Variants in MIA2 observed in about 807,000 individuals in gnomAD.
The protein encoded by MIA2 is MIA SH3 domain ER export factor 2, also known as melanoma inhibitory activity protein 2.
MIA2 carries 127 observed loss-of-function variants against 167.8 expected under a neutral mutation model. That is an observed-to-expected ratio of 0.76 (90% CI 0.66 to 0.88). MIA2 has a LOEUF of 0.88. Ranked by LOEUF, MIA2 falls within the 40% of genes least tolerant of loss-of-function variation. MIA2 has a pLI of 0.00. For missense variants in MIA2, 1,690 were observed against 1,624.7 expected, an observed-to-expected ratio of 1.04 and a Z score of -0.69; for synonymous variants, 552 against 541.9, an observed-to-expected ratio of 1.02 and a Z score of -0.26.
chr14:39,267,593 AC>A, intron 6 of MIA2: 2 of 1,576,810 alleles, frequency 1.3e-6, no homozygotes, highest in South Asian at 2.2e-5. Flanking sequence ...GAAGCAGTAG[AC>A]CGGCTTTGGG....
chr14:39,385,461 C>G lies in MIA2; in HGVS notation c.2249-1424C>G, dbSNP rs560791845. On this transcript the variant is annotated intron_variant, in intron 23 of 23. Transcript: ENST00000341502. ...CAATCATCAGTCTTGGGTCAATCAA[C>G]TCTCTCCAAAATACAGTGATCTTGC... The G allele has an allele frequency of 1.7e-5, 20 of 1,150,252 alleles. No homozygotes were observed. The East Asian group carries it at 3.7e-4, about 22-fold the overall frequency. The allele number at this position is 1,150,252 out of a possible 1,614,324, so 71.3% of individuals were successfully genotyped here.
chr14:39,382,061 CAA>C (rs981457119), intron 23 of MIA2, among the ~76,000 whole-genome samples: 6 of 152,184 alleles, frequency 3.9e-5, no homozygotes, highest in African/African-American at 1.4e-4. Flanking sequence ...GAAAAAAACT[CAA>C]ACTTGCCTTC....
chr14:39,366,702 C>T (rs879745101), intron 23 of MIA2, among the ~76,000 whole-genome samples: 9 of 152,164 alleles, frequency 5.9e-5, no homozygotes, highest in Admixed American at 1.3e-4. Context: ...GTGGACAGAT[C>T]GGGGTGACCC....
intron 25 of MIA2, among the ~76,000 whole-genome samples, chr14:39,329,521 A>G (rs991048361): frequency 4.6e-5 from 7 of 152,156 alleles, no homozygotes; most frequent in Admixed American, 3.3e-4. Context: ...GAGAGAGGGC[A>G]TCCTTGTCTT....
chr14:39,342,508 A>G (rs975406761), intron 25 of MIA2, among the ~76,000 whole-genome samples: 2 of 151,692 alleles, frequency 1.3e-5, no homozygotes, highest in South Asian at 2.1e-4. Flanking sequence ...ATGATTTATA[A>G]TCCTTTGGGT....
intron 15 of MIA2, among the ~76,000 whole-genome samples, chr14:39,303,050 G>T (rs1348868293): frequency 6.6e-6 from 1 of 151,986 alleles, no homozygotes; most frequent in Non-Finnish European, 1.5e-5. Flanking sequence ...ATAAAGTTCT[G>T]TTTGTACTTT....
intron 23 of MIA2, among the ~76,000 whole-genome samples, chr14:39,368,675 C>CTTTTTTTTT (rs2074872836): frequency 7.6e-6 from 1 of 131,224 alleles, no homozygotes; most frequent in Non-Finnish European, 1.6e-5. Flanking sequence ...TTTTCTTTTT[C>CTTTTTTTTT]TTTTCTTTTT....
chr14:39,381,161 T>A (rs2075153739), intron 23 of MIA2, among the ~76,000 whole-genome samples: 1 of 152,224 alleles, frequency 6.6e-6, no homozygotes, highest in Admixed American at 6.5e-5. Context: ...TTCTTTGTTT[T>A]CATTAAGGAA....
intron 9 of MIA2, among the ~76,000 whole-genome samples, chr14:39,287,275 C>T (rs2059951443): frequency 2.0e-5 from 3 of 151,754 alleles, no homozygotes; most frequent in Admixed American, 2.0e-4. Context: ...TGGTGTTTGG[C>T]CAAGTTGCCC....
intron 21 of MIA2, 143 bp from the exon 22 acceptor site, chr14:39,317,801 T>TA (rs1402465910): frequency 2.1e-6 from 1 of 479,496 alleles, no homozygotes; most frequent in East Asian, 4.6e-5. Context: ...CACTTTTTCT[T>TA]ACTTCAGTGA....
intron 23 of MIA2, among the ~76,000 whole-genome samples, chr14:39,380,957 A>T (rs556010333): frequency 3.3e-5 from 5 of 151,984 alleles, no homozygotes; most frequent in African/African-American, 1.2e-4. Flanking sequence ...TAAGTCTCTA[A>T]ACTATGTCCT....
At position 39,281,608 on chromosome 14, in the gene MIA2, G is replaced by A. The variant is rs1175490584; in HGVS notation, c.2130+2071G>A. The stretch of plus-strand genomic sequence containing the variant: ...CATTATGCTCTCTTATTTTTGTTTT[G>A]TTTTGTTTTGGTTTTTTTTTTTTTT... On this transcript the variant is annotated intron_variant, in intron 9 of 28. Coordinates refer to ENST00000640607, the MANE Select transcript of MIA2 (RefSeq NM_001329214.4). Among the ~76,000 whole-genome samples the A allele has an allele frequency of 3.5e-5, 5 of 141,398 alleles. No individual in the cohort carries two copies. In the South Asian group the frequency reaches 1.1e-3, roughly 31 times the overall value. 92.8% of individuals were successfully genotyped at this position (141,398 alleles called of 152,430 possible).
At chr14:39,238,890 T>C (rs1339869841) in intron 2 of MIA2, among the ~76,000 whole-genome samples, 1 of 151,630 alleles carries the variant, frequency 6.6e-6, no homozygotes, top group Non-Finnish European at 1.5e-5. Context: ...CCTAGAAGGT[T>C]AAATCATCTC....
At chr14:39,354,400 G>T (rs770853180), downstream of MIA2, among the ~76,000 whole-genome samples, 1 of 151,824 alleles carries the variant, frequency 6.6e-6, no homozygotes, top group Non-Finnish European at 1.5e-5. Flanking sequence ...TCACCCACTT[G>T]TTGATGGGGC....
At chr14:39,242,166 T>C (rs569743514) in intron 3 of MIA2, among the ~76,000 whole-genome samples, 3 of 152,194 alleles carry the variant, frequency 2.0e-5, no homozygotes, top group Admixed American at 6.5e-5. Flanking sequence ...AGTTTATGTA[T>C]ACCAATTATA....
intron 23 of MIA2, among the ~76,000 whole-genome samples, chr14:39,356,942 T>C (rs906248042): frequency 3.3e-5 from 5 of 152,242 alleles, no homozygotes; most frequent in African/African-American, 9.6e-5. Context: ...TCTGTTCTTT[T>C]ACATTTGCTG....
intron 6 of MIA2, chr14:39,267,501 G>A (rs780467159): frequency 3.7e-6 from 6 of 1,613,532 alleles, no homozygotes; most frequent in African/African-American, 1.3e-5. Flanking sequence ...ATTTGGGGCT[G>A]CTCCTGGAGG....
chr14:39,356,669 G>T (rs2074535987), intron 23 of MIA2, among the ~76,000 whole-genome samples: 1 of 152,114 alleles, frequency 6.6e-6, no homozygotes, highest in Non-Finnish European at 1.5e-5. Flanking sequence ...AACTTTTTCT[G>T]CTTTCTCTTG....
intron 14 of MIA2, among the ~76,000 whole-genome samples, chr14:39,301,547 A>G (rs952235453): frequency 2.6e-5 from 4 of 152,202 alleles, no homozygotes; most frequent in South Asian, 2.1e-4. Flanking sequence ...AGATCAGTGC[A>G]TTATTTTTAG....
Sources: gnomAD v4.1 joint callset for allele counts (sites outside exome capture counted in the v4.1 genomes callset) on GRCh38, gnomAD v4.1.1 for gene constraint, MANE v1.5 for transcripts, NCBI Gene and HGNC (gene_info 2026-07-23, HGNC 2026-07-21) for gene names.